The following CCNH variants were observed in gnomAD, a reference collection of about 807,000 sequenced individuals.
CCNH encodes cyclin H, also known as cyclin-H.
Under a neutral mutation model 41.9 loss-of-function variants are expected in CCNH, and 31 were observed. The observed-to-expected ratio is 0.74, with a 90% CI of 0.56 to 1.00. CCNH has a LOEUF of 1.00. Among genes scored for constraint, CCNH ranks in the 50% least tolerant of loss-of-function variants. CCNH has a pLI of 0.00. For synonymous variants in CCNH, 138 were observed against 136.1 expected (o/e 1.01, Z -0.10); for missense variants, 362 against 388.4 (o/e 0.93, Z 0.57).
chr5:87,386,489 T>C (rs1166502511), intron 9 of CCNH, among the ~76,000 whole-genome samples: 1 of 152,070 alleles, frequency 6.6e-6, no homozygotes, highest in Non-Finnish European at 1.5e-5. Context: ...AATTTATATA[T>C]AAACAATTTG....
At chr5:87,396,352 T>C (rs549516398) in intron 7 of CCNH, among the ~76,000 whole-genome samples, 47 of 152,302 alleles carry the variant, frequency 3.1e-4, no homozygotes, top group African/African-American at 1.1e-3. Context: ...CCAGGTGCAG[T>C]GGCTCACGCC....
chr5:87,316,181 T>C (rs1031522642), downstream of CCNH, among the ~76,000 whole-genome samples: 1 of 152,196 alleles, frequency 6.6e-6, no homozygotes, highest in African/African-American at 2.4e-5. Context: ...ATATGACGAA[T>C]GGTTAGCTTG....
intron 9 of CCNH, among the ~76,000 whole-genome samples, chr5:87,356,207 A>C (rs1181121794): frequency 6.6e-6 from 1 of 152,078 alleles, no homozygotes; most frequent in Non-Finnish European, 1.5e-5. Context: ...CATTATAGGG[A>C]ATTTCTTTTG....
intron 9 of CCNH, among the ~76,000 whole-genome samples, chr5:87,340,087 C>T (rs1199014424): frequency 6.6e-6 from 1 of 152,132 alleles, no homozygotes; most frequent in Non-Finnish European, 1.5e-5. Context: ...TAGTGTCTGG[C>T]ATTAGTAGGC....
downstream of CCNH, among the ~76,000 whole-genome samples, chr5:87,389,016 G>A (rs907249103): frequency 6.6e-6 from 1 of 151,764 alleles, no homozygotes; most frequent in Non-Finnish European, 1.5e-5. Flanking sequence ...TGAATACAAA[G>A]GTTACAAAGT....
downstream of CCNH, among the ~76,000 whole-genome samples, chr5:87,373,908 G>A (rs1761129900): frequency 6.6e-6 from 1 of 151,656 alleles, no homozygotes; most frequent in Non-Finnish European, 1.5e-5. Flanking sequence ...ATTTCTCCAG[G>A]AATATACTGG....
At chr5:87,360,124 G>GTTTT (rs755443447) in intron 9 of CCNH, among the ~76,000 whole-genome samples, 3 of 132,702 alleles carry the variant, frequency 2.3e-5, no homozygotes, top group Admixed American at 7.6e-5. Flanking sequence ...TCAAAATGCA[G>GTTTT]TTTTTTTTTT....
chr5:87,339,582 CA>C lies in CCNH; in HGVS notation c.*91-20686del, dbSNP rs1398167563. Among the ~76,000 whole-genome samples the C allele has an allele frequency of 4.6e-5, 7 of 151,966 alleles. No homozygotes were observed. The East Asian group carries it at 1.4e-3, about 29-fold the overall frequency. On this transcript the variant is annotated intron_variant and NMD_transcript_variant, in intron 9 of 9. Transcript: ENST00000645953. ...TCTTGGAATTCTGGATCAAATTTAA[CA>C]AGATAACCTTTAAAGAAAAGTGAAA...
chr5:87,370,385 C>G (rs1760839099), intron 9 of CCNH, among the ~76,000 whole-genome samples: 1 of 152,150 alleles, frequency 6.6e-6, no homozygotes, highest in East Asian at 1.9e-4. Flanking sequence ...GCTATTAATC[C>G]ATGTGCAGTG....
chr5:87,311,741 C>T, the CCNH span, among the ~76,000 whole-genome samples: 2 of 152,190 alleles, frequency 1.3e-5, no homozygotes, highest in South Asian at 2.1e-4. Context: ...AAAGTGCCCA[C>T]GTCGCTGACT....
intron 8 of CCNH, 132 bp downstream of exon 8, chr5:87,394,912 G>A (rs1219079404): frequency 6.5e-6 from 10 of 1,529,408 alleles, no homozygotes; most frequent in South Asian, 3.9e-5. Flanking sequence ...TGTACGTAAG[G>A]AAGTATGCAA....
intron 9 of CCNH, among the ~76,000 whole-genome samples, chr5:87,354,881 C>T (rs1311879541): frequency 6.6e-6 from 1 of 152,122 alleles, no homozygotes; most frequent in Non-Finnish European, 1.5e-5. Flanking sequence ...TTTGAGTGGT[C>T]TGGATTGAAG....
chr5:87,368,801 G>A (rs893554724), intron 9 of CCNH, among the ~76,000 whole-genome samples: 1 of 152,196 alleles, frequency 6.6e-6, no homozygotes, highest in Non-Finnish European at 1.5e-5. Context: ...AAAAGATGTG[G>A]AGAATGTCGG....
chr5:87,351,414 G>C (rs186485358), intron 9 of CCNH, among the ~76,000 whole-genome samples: 2 of 151,802 alleles, frequency 1.3e-5, no homozygotes, highest in Admixed American at 1.3e-4. Context: ...AGAGTTCAGT[G>C]GGGGGTGAGA....
At position 87,395,060 on chromosome 5, in the gene CCNH, T is replaced by A. The variant is rs1762819731; in HGVS notation, c.917A>T (p.Lys306Ile). The A allele has an allele frequency of 2.5e-6, 4 of 1,611,744 alleles. No individual in the cohort carries two copies. The East Asian group carries it at 8.9e-5, about 36-fold the overall frequency. ...AAAACATACCTCCTCATGTTTGGAT[T>A]TCTTTGAGACGTAATCATCATCTTC... ...GYEDDDYVSK[K>I]SKHEEEEWTD... The change falls in exon 8 of 9, where the codon AAA becomes ATA. Residue 306 changes from lysine to isoleucine, a missense_variant. Lys to Ile is a moderately radical substitution (Grantham distance 102). Coordinates refer to ENST00000256897, the MANE Select transcript of CCNH (RefSeq NM_001239.4).
chr5:87,334,042 G>A (rs2112373691), intron 9 of CCNH, among the ~76,000 whole-genome samples: 1 of 152,262 alleles, frequency 6.6e-6, no homozygotes, highest in East Asian at 1.9e-4. Flanking sequence ...ATGTAACTAT[G>A]GGGATCTTTG....
intron 9 of CCNH, among the ~76,000 whole-genome samples, chr5:87,352,601 C>G (rs1005145979): frequency 5.9e-5 from 9 of 151,510 alleles, no homozygotes; most frequent in Non-Finnish European, 1.2e-4. Context: ...CACTTTTAAT[C>G]AAAATAATAA....
At chr5:87,353,762 G>A (rs1416963011) in intron 9 of CCNH, among the ~76,000 whole-genome samples, 3 of 152,006 alleles carry the variant, frequency 2.0e-5, no homozygotes, top group Admixed American at 2.0e-4. Context: ...TTACAGACAG[G>A]GTCCTAGACA....
intron 9 of CCNH, among the ~76,000 whole-genome samples, chr5:87,342,162 CTTTT>C (rs531793273): frequency 7.2e-6 from 1 of 139,774 alleles, no homozygotes. Context: ...GTTATTTTTT[CTTTT>C]TTTTTTTTTT....
Sources: allele counts gnomAD v4.1 joint callset (sites outside exome capture counted in the v4.1 genomes callset), GRCh38; gene constraint gnomAD v4.1.1; transcripts MANE v1.5; gene names NCBI Gene and HGNC (gene_info 2026-07-23, HGNC 2026-07-21).